Variants in CUEDC1 observed in about 807,000 individuals in gnomAD.
CUEDC1 encodes CUE domain containing 1.
A neutral mutation model predicts 43.7 loss-of-function variants in CUEDC1; 30 were observed. The observed-to-expected ratio is 0.69, with a 90% CI of 0.51 to 0.93. CUEDC1 has a LOEUF of 0.93. Ranked by LOEUF, CUEDC1 falls within the 40% of genes least tolerant of loss-of-function variation. CUEDC1 has a pLI of 0.00. For synonymous variants in CUEDC1, 223 were observed against 223.6 expected, an observed-to-expected ratio of 1.00 and a Z score of 0.02; for missense variants, 486 against 549.0, an observed-to-expected ratio of 0.89 and a Z score of 1.15.
intron 1 of CUEDC1, among the ~76,000 whole-genome samples, chr17:57,951,667 C>T (rs1255411805): frequency 2.0e-5 from 3 of 152,220 alleles, no homozygotes; most frequent in South Asian, 4.1e-4. Context: ...CCATGTTGGC[C>T]AGGCTGGTCT....
intron 3 of CUEDC1, among the ~76,000 whole-genome samples, chr17:57,874,718 C>T (rs927796392): frequency 5.1e-4 from 77 of 152,306 alleles, no homozygotes; most frequent in African/African-American, 1.8e-3. Context: ...GTGGGGGCTG[C>T]TCTAGCTCTC....
At chr17:57,897,917 G>A (rs1454422930) in intron 1 of CUEDC1, among the ~76,000 whole-genome samples, 1 of 152,148 alleles carries the variant, frequency 6.6e-6, no homozygotes, top group Non-Finnish European at 1.5e-5. Context: ...GGAGGCTGGA[G>A]CAGGAGAATC....
chr17:57,924,921 G>A (rs1472777300), intron 1 of CUEDC1, among the ~76,000 whole-genome samples: 1 of 152,146 alleles, frequency 6.6e-6, no homozygotes, highest in East Asian at 1.9e-4. Flanking sequence ...ATAAAGATGA[G>A]TTTGGAGGGG....
chr17:57,905,045 G>A (rs979567515), intron 1 of CUEDC1, among the ~76,000 whole-genome samples: 1 of 152,044 alleles, frequency 6.6e-6, no homozygotes, highest in South Asian at 2.1e-4. Context: ...CCAGCTGCCC[G>A]GGGCTCTGCA....
intron 1 of CUEDC1, among the ~76,000 whole-genome samples, chr17:57,904,452 G>A (rs1481206489): frequency 6.6e-6 from 1 of 152,080 alleles, no homozygotes; most frequent in Non-Finnish European, 1.5e-5. Flanking sequence ...GGTCACCAGA[G>A]GAAAAAAGTC....
At chr17:57,933,050 G>T (rs1443684924) in intron 1 of CUEDC1, among the ~76,000 whole-genome samples, 1 of 152,074 alleles carries the variant, frequency 6.6e-6, no homozygotes, top group Non-Finnish European at 1.5e-5. Flanking sequence ...ATGTCTCCTG[G>T]GGGGCCAGAT....
intron 1 of CUEDC1, among the ~76,000 whole-genome samples, chr17:57,888,199 G>A (rs7216723): frequency 0.012 from 1,805 of 152,134 alleles, 28 homozygotes; most frequent in African/African-American, 0.041. Context: ...CACTGCGCCC[G>A]GCATTATTTT....
chr17:57,866,570 A>T (rs1486601747), intron 9 of CUEDC1, 26 bp from the exon 10 acceptor site: 3 of 1,613,528 alleles, frequency 1.9e-6, no homozygotes, highest in Non-Finnish European at 2.5e-6. Flanking sequence ...AAGCTGCCTC[A>T]TCCTCTACCC....
chr17:57,945,128 A>T (rs763806258), intron 1 of CUEDC1, among the ~76,000 whole-genome samples: 1 of 152,154 alleles, frequency 6.6e-6, no homozygotes, highest in Non-Finnish European at 1.5e-5. Context: ...AAGCCTATAT[A>T]TTTTTTTCAA....
chr17:57,907,936 C>A, intron 1 of CUEDC1, among the ~76,000 whole-genome samples: 1 of 151,906 alleles, frequency 6.6e-6, no homozygotes, highest in East Asian at 1.9e-4. Context: ...GCCCAAATTC[C>A]TGTGACTTGA....
At chr17:57,952,947 G>C (rs953170990) in intron 1 of CUEDC1, among the ~76,000 whole-genome samples, 1 of 152,056 alleles carries the variant, frequency 6.6e-6, no homozygotes, top group African/African-American at 2.4e-5. Flanking sequence ...GCCAAGAAAG[G>C]AAAGGCAGGC....
chr17:57,873,513 G>C (rs886987352), intron 4 of CUEDC1, 78 bp downstream of exon 4: 22 of 1,443,708 alleles, frequency 1.5e-5, no homozygotes, highest in Non-Finnish European at 1.9e-5. Flanking sequence ...AAGTAAAACT[G>C]GCTGGCACAA....
At chr17:57,909,874 C>T (rs550219505) in intron 1 of CUEDC1, among the ~76,000 whole-genome samples, 17 of 152,308 alleles carry the variant, frequency 1.1e-4, no homozygotes, top group Admixed American at 7.8e-4. Flanking sequence ...CATGTGTGTG[C>T]GGGTAGACAG....
At chr17:57,921,106 C>T (rs2074693849) in intron 1 of CUEDC1, among the ~76,000 whole-genome samples, 1 of 152,158 alleles carries the variant, frequency 6.6e-6, no homozygotes, top group Non-Finnish European at 1.5e-5. Context: ...GCCAAGGTAG[C>T]GAGTTAATAG....
chr17:57,915,375 A>G (rs2074628652), intron 1 of CUEDC1, among the ~76,000 whole-genome samples: 1 of 151,958 alleles, frequency 6.6e-6, no homozygotes, highest in African/African-American at 2.4e-5. Context: ...TCTAGCTCCC[A>G]TCTCAAGTGA....
chr17:57,936,367 G>A (rs1370577298), intron 1 of CUEDC1, among the ~76,000 whole-genome samples: 1 of 152,214 alleles, frequency 6.6e-6, no homozygotes, highest in Non-Finnish European at 1.5e-5. Context: ...TTGCTCTGTG[G>A]TCAGAGCTTC....
At chr17:57,915,649 G>A (rs12325694) in intron 1 of CUEDC1, among the ~76,000 whole-genome samples, 4,027 of 152,230 alleles carry the variant, frequency 0.026, 194 homozygotes, top group African/African-American at 0.091. Flanking sequence ...AGCCCTGTCC[G>A]GCCTGGGTAT....
Position 57,866,532 on chromosome 17 carries a change from C to T in CUEDC1, c.1106G>A (p.Arg369Gln), listed in dbSNP as rs371280450. 2.5e-5 allele frequency: 41 copies of T among 1,614,008 alleles called. No individual in the cohort carries two copies. Among genetic ancestry groups the T allele is most frequent in the South Asian group, 3.3e-5 (3 of 91,088 alleles). Residue 369 changes from arginine (R) to glutamine (Q), a missense_variant, in exon 10 of 11, where the codon CGG (arginine) becomes CAG (glutamine). Physicochemically the swap from Arg to Gln is conservative, Grantham distance 43. Coordinates refer to ENST00000577830, the MANE Select transcript of CUEDC1 (RefSeq NM_001271875.2). ...VEGHACDEDF[R>Q]GRRQEAPKVE... ...CTTGGGTGCCTCCTGACGCCTGCCCCGGAAGTCTTCATCTGAAAAGGAGAG... is the reference window on the plus strand; with the variant it reads ...CTTGGGTGCCTCCTGACGCCTGCCCTGGAAGTCTTCATCTGAAAAGGAGAG...
intron 1 of CUEDC1, among the ~76,000 whole-genome samples, chr17:57,923,754 T>C (rs1027160587): frequency 6.6e-6 from 1 of 152,210 alleles, no homozygotes; most frequent in Non-Finnish European, 1.5e-5. Context: ...GGTTGGTGCA[T>C]TTTGTGACCC....
Sources: allele counts gnomAD v4.1 joint callset (sites outside exome capture counted in the v4.1 genomes callset), GRCh38; gene constraint gnomAD v4.1.1; transcripts MANE v1.5; gene names NCBI Gene and HGNC (gene_info 2026-07-23, HGNC 2026-07-21).